The following AUTS2 variants were observed in gnomAD, a reference collection of about 807,000 sequenced individuals.
AUTS2 encodes activator of transcription and developmental regulator AUTS2, also known as autism susceptibility gene 2 protein.
AUTS2 carries 17 observed loss-of-function variants against 112.4 expected under a neutral mutation model. That is an observed-to-expected ratio of 0.15 (90% CI 0.10 to 0.23). The LOEUF is 0.23. Ranked by LOEUF, AUTS2 falls within the 10% of genes least tolerant of loss-of-function variation. The pLI, the probability that AUTS2 is intolerant of heterozygous loss-of-function variation, is 1.00. For missense variants in AUTS2, 1,510 were observed against 1,701.6 expected (o/e 0.89, Z 1.98); for synonymous variants, 751 against 702.7 (o/e 1.07, Z -1.09).
chr7:70,385,508 T>C (rs1793568828), intron 4 of AUTS2, among the ~76,000 whole-genome samples: 4 of 152,346 alleles, frequency 2.6e-5, no homozygotes, highest in Admixed American at 2.6e-4. Flanking sequence ...TGCACTTTTC[T>C]CTTGCTACAA....
At chr7:69,678,492 G>T (rs1796662733) in intron 1 of AUTS2, among the ~76,000 whole-genome samples, 1 of 152,044 alleles carries the variant, frequency 6.6e-6, no homozygotes, top group Non-Finnish European at 1.5e-5. Flanking sequence ...TATGATTTCT[G>T]TTGTGAGCGG....
intron 5 of AUTS2, among the ~76,000 whole-genome samples, chr7:70,617,260 G>T (rs566856401): frequency 6.6e-6 from 1 of 152,296 alleles, no homozygotes; most frequent in South Asian, 2.1e-4. Context: ...GCTGATTGAG[G>T]AAATGGTCAA....
chr7:70,649,510 T>C (rs1031542756), intron 5 of AUTS2, among the ~76,000 whole-genome samples: 1 of 148,870 alleles, frequency 6.7e-6, no homozygotes, highest in African/African-American at 2.5e-5. Context: ...TTTTATTTAT[T>C]TATTTATTTA....
intron 2 of AUTS2, among the ~76,000 whole-genome samples, chr7:70,063,395 G>A (rs1485164106): frequency 6.6e-6 from 1 of 152,056 alleles, no homozygotes; most frequent in African/African-American, 2.4e-5. Flanking sequence ...TGGTATACCA[G>A]AATGATGAAG....
intron 1 of AUTS2, among the ~76,000 whole-genome samples, chr7:69,704,620 A>G (rs1212935817): frequency 6.6e-6 from 1 of 152,164 alleles, no homozygotes; most frequent in Non-Finnish European, 1.5e-5. Context: ...CTTGTGGTCC[A>G]GGCCACAGGA....
chr7:70,099,095 A>G (rs1804351838), intron 2 of AUTS2, among the ~76,000 whole-genome samples: 1 of 152,070 alleles, frequency 6.6e-6, no homozygotes, highest in Non-Finnish European at 1.5e-5. Context: ...GATTCCTTTT[A>G]GTCATTTAGT....
intron 4 of AUTS2, among the ~76,000 whole-genome samples, chr7:70,169,601 T>C (rs1239916330): frequency 6.6e-6 from 1 of 152,182 alleles, no homozygotes; most frequent in Non-Finnish European, 1.5e-5. Flanking sequence ...ATTCCTTTTC[T>C]TAGCCTTGGG....
chr7:69,671,733 C>T (rs1796339007), intron 1 of AUTS2, among the ~76,000 whole-genome samples: 1 of 152,036 alleles, frequency 6.6e-6, no homozygotes, highest in South Asian at 2.1e-4. Context: ...CCTTTAAGGT[C>T]ATTTGGATGA....
At chr7:70,369,379 G>A (rs1416291796) in intron 4 of AUTS2, among the ~76,000 whole-genome samples, 1 of 152,146 alleles carries the variant, frequency 6.6e-6, no homozygotes, top group Admixed American at 6.5e-5. Flanking sequence ...TGAGTTTGAG[G>A]GTTGTTTCAT....
intron 5 of AUTS2, among the ~76,000 whole-genome samples, chr7:70,665,963 G>A (rs1436178275): frequency 6.6e-6 from 1 of 152,180 alleles, no homozygotes; most frequent in African/African-American, 2.4e-5. Context: ...GGCTGACAGA[G>A]GAGTCAGCAT....
At chr7:70,482,763 G>A (rs988533705) in intron 5 of AUTS2, among the ~76,000 whole-genome samples, 1 of 152,154 alleles carries the variant, frequency 6.6e-6, no homozygotes, top group Non-Finnish European at 1.5e-5. Flanking sequence ...CAATAAGAGT[G>A]AGGAGCATCG....
At chr7:69,906,009 A>C (rs1358509934) in intron 2 of AUTS2, among the ~76,000 whole-genome samples, 1 of 152,220 alleles carries the variant, frequency 6.6e-6, no homozygotes, top group African/African-American at 2.4e-5. Context: ...ATTAAGGGCC[A>C]TTTAAATCCC....
At chr7:69,654,492 C>G (rs1273782204) in intron 1 of AUTS2, among the ~76,000 whole-genome samples, 1 of 152,182 alleles carries the variant, frequency 6.6e-6, no homozygotes, top group African/African-American at 2.4e-5. Flanking sequence ...ATATTCAGGC[C>G]AGCCCAGTAA....
chr7:70,341,314 G>A (rs1791254618), intron 4 of AUTS2, among the ~76,000 whole-genome samples: 1 of 152,216 alleles, frequency 6.6e-6, no homozygotes, highest in South Asian at 2.1e-4. Flanking sequence ...GCACTGAGAA[G>A]GTTGCACTGA....
chr7:70,347,540 G>A (rs569557064), intron 4 of AUTS2, among the ~76,000 whole-genome samples: 7 of 152,190 alleles, frequency 4.6e-5, no homozygotes, highest in East Asian at 1.9e-4. Context: ...GAATGAGAGC[G>A]GATAAAATAA....
chr7:70,166,476 C>T (rs1287913867), intron 4 of AUTS2, among the ~76,000 whole-genome samples: 3 of 152,006 alleles, frequency 2.0e-5, no homozygotes, highest in Admixed American at 6.6e-5. Flanking sequence ...TGGAAATATA[C>T]TGTTGTAAGG....
intron 2 of AUTS2, among the ~76,000 whole-genome samples, chr7:69,917,670 C>G (rs908236937): frequency 6.6e-6 from 1 of 152,108 alleles, no homozygotes; most frequent in Non-Finnish European, 1.5e-5. Flanking sequence ...TCACTCTGCC[C>G]TCTTCTGAGT....
At chr7:70,090,644 C>T (rs1425357422) in intron 2 of AUTS2, among the ~76,000 whole-genome samples, 2 of 150,770 alleles carry the variant, frequency 1.3e-5, no homozygotes, top group East Asian at 3.9e-4. Flanking sequence ...TATGTAATAC[C>T]ATTTGCCCTC....
chr7:70,371,142 A>G (rs751857481), intron 4 of AUTS2, among the ~76,000 whole-genome samples: 112 of 152,280 alleles, frequency 7.4e-4, no homozygotes, highest in Non-Finnish European at 1.4e-3. Flanking sequence ...CATTCTAACC[A>G]TTCTCAGTCC....
Sources: allele counts gnomAD v4.1 joint callset (sites outside exome capture counted in the v4.1 genomes callset), GRCh38; gene constraint gnomAD v4.1.1; transcripts MANE v1.5; gene names NCBI Gene and HGNC (gene_info 2026-07-23, HGNC 2026-07-21).